Variants in BEND7 observed in about 807,000 individuals in gnomAD.
The protein encoded by BEND7 is BEN domain-containing protein 7.
Under a neutral mutation model 50.9 loss-of-function variants are expected in BEND7, and 28 were observed. The observed-to-expected ratio is 0.55, with a 90% CI of 0.41 to 0.75. BEND7 has a LOEUF of 0.75. Ranked by LOEUF, BEND7 falls within the 30% of genes least tolerant of loss-of-function variation. The pLI is 0.00. For synonymous variants in BEND7, 170 were observed against 183.9 expected, an observed-to-expected ratio of 0.92 and a Z score of 0.61; for missense variants, 477 against 491.3, an observed-to-expected ratio of 0.97 and a Z score of 0.28.
chr10:13,526,320 T>C, intron 1 of BEND7, 99 bp from the exon 2 acceptor site: 1 of 333,904 alleles, frequency 3.0e-6, no homozygotes, highest in South Asian at 3.9e-5. Context: ...TTGTATACTC[T>C]ATAATTTATA....
Position 13,518,884 on chromosome 10 carries a change from T to A in BEND7, c.145+7254A>T, listed in dbSNP as rs535046119. ...TTTAAATCACATATCTGAGGACCTA[T>A]CAGCAGAGTACCTATTACGGATACA... On this transcript the variant is annotated intron_variant, in intron 2 of 8. Coordinates refer to ENST00000466271, the MANE Select transcript of BEND7 (RefSeq NM_001369863.1). 8.5e-5 allele frequency among the ~76,000 whole-genome samples: 13 copies of A among 152,346 alleles called. No homozygotes were observed. The East Asian group carries it at 2.5e-3, about 29-fold the overall frequency.
chr10:13,501,749 G>A (rs1300273070), intron 2 of BEND7, among the ~76,000 whole-genome samples: 1 of 152,034 alleles, frequency 6.6e-6, no homozygotes, highest in Non-Finnish European at 1.5e-5. Flanking sequence ...TGGAGGCTGA[G>A]GTGGAAGGAC....
At chr10:13,480,710 A>G in intron 6 of BEND7, 189 bp downstream of exon 6, 1 of 985,384 alleles carries the variant, frequency 1.0e-6, no homozygotes, top group Non-Finnish European at 1.2e-6. Flanking sequence ...ATTACCTTGA[A>G]TAATGAATTC....
chr10:13,471,077 T>C (rs538609273), intron 6 of BEND7, among the ~76,000 whole-genome samples: 1 of 152,348 alleles, frequency 6.6e-6, no homozygotes, highest in East Asian at 1.9e-4. Flanking sequence ...GGTCTTCTCC[T>C]AGTGAGATTT....
chr10:13,439,366 C>A, downstream of BEND7: 1 of 1,614,098 alleles, frequency 6.2e-7, no homozygotes, highest in Non-Finnish European at 8.5e-7. Context: ...TTCAGGAGCA[C>A]GAGATGCTGC....
chr10:13,447,655 T>C (rs1356770484), intron 7 of BEND7, among the ~76,000 whole-genome samples: 3 of 150,290 alleles, frequency 2.0e-5, no homozygotes, highest in Non-Finnish European at 4.4e-5. Context: ...GCCATTCTCC[T>C]GCCTCAGCCT....
chr10:13,494,509 G>A (rs2076902225), intron 4 of BEND7, among the ~76,000 whole-genome samples: 1 of 152,250 alleles, frequency 6.6e-6, no homozygotes, highest in African/African-American at 2.4e-5. Context: ...TGCTGCCTGG[G>A]AAACAGCATT....
chr10:13,441,402 T>A lies in BEND7; in HGVS notation c.*341A>T. 1 of 1,128,746 alleles carries A rather than the reference T, an allele frequency of 8.9e-7. No individual in the cohort carries two copies. Among genetic ancestry groups the A allele is most frequent in the Non-Finnish European group, 1.1e-6 (1 of 923,218 alleles). 69.9% of individuals were successfully genotyped at this position (1,128,746 alleles called of 1,614,324 possible). A position where few individuals can be genotyped will look rare whatever the true frequency, so the allele number is the denominator to read the frequency against. On this transcript the variant is annotated 3_prime_UTR_variant, in exon 9 of 9. Coordinates refer to ENST00000466271, the MANE Select transcript of BEND7 (RefSeq NM_001369863.1). ...TAATTTACAAAATATGATTTTGCTG[T>A]TGCAGTTTTGATACGTATTTCCAGT...
chr10:13,493,834 A>G (rs186664302), intron 4 of BEND7, among the ~76,000 whole-genome samples: 237 of 152,362 alleles, frequency 1.6e-3, no homozygotes, highest in African/African-American at 5.5e-3. Flanking sequence ...ATATGACTAT[A>G]GGATGTCCCT....
Position 13,492,765 on chromosome 10 carries a change from G to C in BEND7, c.683C>G (p.Pro228Arg), listed in dbSNP as rs372358388. Residue 228 changes from proline to arginine, a missense_variant, in exon 5 of 9, where the codon CCT (proline) becomes CGT (arginine). Pro to Arg is a moderately radical substitution (Grantham distance 103). Around this residue, in one of 3 missense-constraint regions of BEND7, gnomAD observed 396 missense variants for 384.2 expected, o/e 1.03. Coordinates refer to ENST00000466271, the MANE Select transcript of BEND7 (RefSeq NM_001369863.1). ...ACTGGGCTTCTGTTTCACAGTAAGAGGTTCCACAGTCTTTGGGGGCACTTT... is the reference window on the plus strand; with the variant it reads ...ACTGGGCTTCTGTTTCACAGTAAGACGTTCCACAGTCTTTGGGGGCACTTT... The part of the protein sequence containing the change: ...KKKVPPKTVE[P>R]LTVKQKPSGS... 1.2e-5 allele frequency: 19 copies of C among 1,613,246 alleles called. No individual in the cohort carries two copies. The highest frequency in any genetic ancestry group is 1.3e-5 in the Non-Finnish European group (15 of 1,179,882).
chr10:13,473,235 C>T lies in BEND7; in HGVS notation c.1063+7664G>A, dbSNP rs188795765. ...TCGTCATCACTGTTAGACTCAGGGC[C>T]GATATCTGTCATCGCTGTTAGACTC... is the stretch of plus-strand genomic sequence containing the variant. On this transcript the variant is annotated intron_variant, in intron 6 of 8. Transcript: ENST00000466271. 3.1e-3 allele frequency among the ~76,000 whole-genome samples: 469 copies of T among 151,198 alleles called. 1 individual carries two copies. Among genetic ancestry groups the T allele is most frequent in the Non-Finnish European group, 4.4e-3 (301 of 67,734 alleles).
chr10:13,457,672 T>G (rs1450445527), intron 6 of BEND7, among the ~76,000 whole-genome samples: 1 of 152,220 alleles, frequency 6.6e-6, no homozygotes, highest in Non-Finnish European at 1.5e-5. Context: ...GCCAAAAGAC[T>G]GTCATTGCAT....
chr10:13,438,986 CG>C, downstream of BEND7: 1 of 603,020 alleles, frequency 1.7e-6, no homozygotes, highest in Non-Finnish European at 2.9e-6. Context: ...CAGAATGACT[CG>C]GTTGCATATT....
At chr10:13,462,231 TATA>T (rs1231078369) in intron 6 of BEND7, among the ~76,000 whole-genome samples, 2 of 152,080 alleles carry the variant, frequency 1.3e-5, no homozygotes, top group African/African-American at 4.8e-5. Flanking sequence ...CTGGGTAATT[TATA>T]AAGGAAAGAG....
Position 13,499,490 on chromosome 10 carries a change from T to C in BEND7, c.448+288A>G, listed in dbSNP as rs534871298. On this transcript the variant is annotated intron_variant, in intron 3 of 8. Transcript: ENST00000466271. ...GTTCAGGTTTTTTTTGTGACAATAATATCCATACATGGGCACAAAATGATC... is the reference window on the plus strand; with the variant it reads ...GTTCAGGTTTTTTTTGTGACAATAACATCCATACATGGGCACAAAATGATC... Among the ~76,000 whole-genome samples the C allele has an allele frequency of 5.9e-5, 9 of 152,270 alleles. No homozygotes were observed. In the South Asian group the frequency reaches 1.9e-3, roughly 32 times the overall value.
chr10:13,464,936 A>C (rs1165636063), intron 6 of BEND7, among the ~76,000 whole-genome samples: 1 of 152,240 alleles, frequency 6.6e-6, no homozygotes. Flanking sequence ...CAGAGAAGAC[A>C]GCAGTGCATC....
intron 2 of BEND7, among the ~76,000 whole-genome samples, chr10:13,503,190 G>A (rs2077607077): frequency 6.6e-6 from 1 of 152,228 alleles, no homozygotes; most frequent in Non-Finnish European, 1.5e-5. Context: ...GAGGGAGGAA[G>A]GTGGCAGGTG....
chr10:13,461,660 G>A lies in BEND7; in HGVS notation c.1064-9002C>T, dbSNP rs143896883. Among the ~76,000 whole-genome samples, 327 of 152,096 alleles carry A rather than the reference G, an allele frequency of 2.1e-3. 3 individuals carry two copies. In the Middle Eastern group the frequency reaches 0.024, roughly 11 times the overall value. On this transcript the variant is annotated intron_variant, in intron 6 of 8. Transcript: ENST00000466271. ...AGGCAGGAAAATCGCTTGAACCTGGGAGGCAGAGGTTGCAGTGAGCCAAGA... is the reference window on the plus strand; with the variant it reads ...AGGCAGGAAAATCGCTTGAACCTGGAAGGCAGAGGTTGCAGTGAGCCAAGA...
intron 5 of BEND7, among the ~76,000 whole-genome samples, chr10:13,491,678 C>A (rs1361028715): frequency 1.3e-5 from 2 of 151,614 alleles, no homozygotes; most frequent in African/African-American, 4.8e-5. Context: ...TTGTTAAAAA[C>A]CCAATGTGGA....
Sources: allele counts gnomAD v4.1 joint callset (sites outside exome capture counted in the v4.1 genomes callset), GRCh38; gene constraint gnomAD v4.1.1; regional missense constraint gnomAD v4.1.1; transcripts MANE v1.5; gene names NCBI Gene and HGNC (gene_info 2026-07-23, HGNC 2026-07-21).